The following TCERG1L variants were observed in gnomAD, a reference collection of about 807,000 sequenced individuals.
TCERG1L encodes the protein transcription elongation regulator 1 like.
A neutral mutation model predicts 56.3 loss-of-function variants in TCERG1L; 37 were observed. The observed-to-expected ratio is 0.66, with a 90% confidence interval of 0.51 to 0.87. The LOEUF is 0.87. Among genes scored for constraint, TCERG1L ranks in the 40% least tolerant of loss-of-function variants. The pLI is 0.00. For synonymous variants in TCERG1L, 324 were observed against 326.3 expected, an observed-to-expected ratio of 0.99 and a Z score of 0.08; for missense variants, 799 against 774.2, an observed-to-expected ratio of 1.03 and a Z score of -0.38.
intron 9 of TCERG1L, among the ~76,000 whole-genome samples, chr10:131,107,707 G>A (rs1845367182): frequency 6.6e-6 from 1 of 151,660 alleles, no homozygotes; most frequent in African/African-American, 2.4e-5. Context: ...TACATTCCAT[G>A]GGGCCACGAT....
chr10:131,145,703 A>G (rs930423058), intron 7 of TCERG1L, among the ~76,000 whole-genome samples: 1 of 152,198 alleles, frequency 6.6e-6, no homozygotes, highest in Non-Finnish European at 1.5e-5. Context: ...AACCCAATAG[A>G]ATACCACACA....
chr10:131,148,067 GA>G lies in TCERG1L; in HGVS notation c.1035-1408del, dbSNP rs561598344. Among the ~76,000 whole-genome samples, 8 of 152,360 alleles carry G rather than the reference GA, an allele frequency of 5.3e-5. No homozygotes were observed. In the East Asian group the frequency reaches 1.5e-3, roughly 29 times the overall value. ...CACTACTCAGCCCAGCCACGCTCAT[GA>G]GTGTGGGAGCCAAAATGATGGCTCC... On this transcript the variant is annotated intron_variant, in intron 6 of 11. Coordinates refer to ENST00000368642, the MANE Select transcript of TCERG1L (RefSeq NM_174937.4).
At chr10:131,252,158 A>C (rs1441485715) in intron 4 of TCERG1L, among the ~76,000 whole-genome samples, 1 of 152,176 alleles carries the variant, frequency 6.6e-6, no homozygotes, top group Non-Finnish European at 1.5e-5. Context: ...CTATGCACCC[A>C]TCAATGGACG....
chr10:131,198,857 T>C (rs1235077958), intron 4 of TCERG1L, among the ~76,000 whole-genome samples: 1 of 152,210 alleles, frequency 6.6e-6, no homozygotes, highest in East Asian at 1.9e-4. Flanking sequence ...GCTCAGCTCA[T>C]GCACCCCGTG....
intron 8 of TCERG1L, among the ~76,000 whole-genome samples, chr10:131,133,583 C>T (rs1270507910): frequency 6.6e-6 from 1 of 152,130 alleles, no homozygotes; most frequent in African/African-American, 2.4e-5. Flanking sequence ...GGGTCCTCCC[C>T]ACCCTTCTCT....
chr10:131,210,410 G>C (rs1272645722), intron 4 of TCERG1L, among the ~76,000 whole-genome samples: 1 of 152,210 alleles, frequency 6.6e-6, no homozygotes, highest in Non-Finnish European at 1.5e-5. Context: ...GTCCCTGCTG[G>C]AAGAGAGCCA....
At chr10:131,171,446 T>C (rs1285001668) in intron 4 of TCERG1L, among the ~76,000 whole-genome samples, 2 of 152,128 alleles carry the variant, frequency 1.3e-5, no homozygotes, top group African/African-American at 4.8e-5. Context: ...AAAGGTATCA[T>C]CATCACCTGG....
chr10:131,200,262 GA>G (rs1251831406), intron 4 of TCERG1L, among the ~76,000 whole-genome samples: 1 of 152,138 alleles, frequency 6.6e-6, no homozygotes, highest in Non-Finnish European at 1.5e-5. Context: ...CTAGACAAAC[GA>G]GCTGAGGCTG....
intron 4 of TCERG1L, among the ~76,000 whole-genome samples, chr10:131,208,856 G>C (rs766858240): frequency 3.3e-5 from 5 of 152,140 alleles, no homozygotes; most frequent in Non-Finnish European, 7.3e-5. Context: ...AGGAGATCGA[G>C]ACCATCCTGG....
intron 11 of TCERG1L, 95 bp from the exon 12 acceptor site, chr10:131,093,413 C>T (rs1456305547): frequency 2.0e-6 from 3 of 1,473,948 alleles, no homozygotes; most frequent in African/African-American, 1.4e-5. Flanking sequence ...AGCATCCAGC[C>T]CTTCCACCAG....
chr10:131,234,284 T>A (rs1197247293), intron 4 of TCERG1L, among the ~76,000 whole-genome samples: 1 of 152,344 alleles, frequency 6.6e-6, no homozygotes, highest in East Asian at 1.9e-4. Flanking sequence ...ACCTTTTAAG[T>A]AAGCTGTTGA....
At chr10:131,250,473 C>T (rs1230659376) in intron 4 of TCERG1L, among the ~76,000 whole-genome samples, 1 of 109,826 alleles carries the variant, frequency 9.1e-6, no homozygotes, top group Non-Finnish European at 1.8e-5. Flanking sequence ...AGCATCAGAC[C>T]CTCCACAGGG....
chr10:131,208,959 G>A (rs1049764044), intron 4 of TCERG1L, among the ~76,000 whole-genome samples: 5 of 151,938 alleles, frequency 3.3e-5, no homozygotes, highest in East Asian at 1.9e-4. Flanking sequence ...TCGGGAGGCC[G>A]AGGCAGGAGA....
intron 7 of TCERG1L, among the ~76,000 whole-genome samples, chr10:131,144,354 G>C (rs992370798): frequency 1.8e-4 from 27 of 152,160 alleles, no homozygotes. Flanking sequence ...GAGCCGCGAC[G>C]AACGATCGGC....
Position 131,116,737 on chromosome 10 carries a change from A to AC in TCERG1L, c.1395+61dup, listed in dbSNP as rs1230744719. 3 of 1,538,356 alleles carry AC rather than the reference A, an allele frequency of 2.0e-6. No individual in the cohort carries two copies. The African/African-American group carries it at 4.1e-5, about 21-fold the overall frequency. On this transcript the variant is annotated intron_variant, in intron 9 of 11. Transcript: ENST00000368642. ...AGGCGACCCTCAGGCAGGGACGGCC[A>AC]CTCAGCTGCTGTTCCCCCGGGTCTG... is the stretch of plus-strand genomic sequence containing the variant.
Position 131,220,332 on chromosome 10 carries a change from C to T in TCERG1L, c.856+39927G>A, listed in dbSNP as rs74892298. Among the ~76,000 whole-genome samples the T allele has an allele frequency of 6.2e-3, 951 of 152,318 alleles. 14 individuals are homozygous for T. Among genetic ancestry groups the T allele is most frequent in the African/African-American group, 0.021 (890 of 41,578 alleles). On this transcript the variant is annotated intron_variant, in intron 4 of 11. Transcript: ENST00000368642. ...ATCCTCCAGGGCTCTTGGCTTAGGG[C>T]CCAGGTTAGGGACCAGGGAGAGCAC... is the stretch of plus-strand genomic sequence containing the variant.
intron 3 of TCERG1L, among the ~76,000 whole-genome samples, chr10:131,270,458 G>A (rs1846329072): frequency 6.6e-6 from 1 of 152,216 alleles, no homozygotes; most frequent in African/African-American, 2.4e-5. Flanking sequence ...TGCTAAGCCA[G>A]CTCAGAGATA....
In TCERG1L at chr10:131,118,043, G is replaced by A. The variant is rs564496982; in HGVS notation, c.1260-1109C>T. 6.6e-6 allele frequency among the ~76,000 whole-genome samples: 1 copy of A among 152,260 alleles called. No homozygotes were observed. Among genetic ancestry groups the A allele is most frequent in the East Asian group, 1.9e-4 (1 of 5,138 alleles). On this transcript the variant is annotated intron_variant, in intron 8 of 11. Transcript: ENST00000368642. This position sits in a 1 kb window ranked among gnomAD's most constrained non-coding sequence, Gnocchi z 4.2. ...GGGCAGACTCAACCCGCGCTGGGTT[G>A]GCGCACCCTCACTCTGACCATGCTG... is the stretch of plus-strand genomic sequence containing the variant.
At chr10:131,252,123 T>C (rs1382215863) in intron 4 of TCERG1L, among the ~76,000 whole-genome samples, 1 of 152,224 alleles carries the variant, frequency 6.6e-6, no homozygotes, top group Non-Finnish European at 1.5e-5. Context: ...TATTTCACTA[T>C]ATAGATATGC....
Sources: allele counts gnomAD v4.1 joint callset (sites outside exome capture counted in the v4.1 genomes callset), GRCh38; gene constraint gnomAD v4.1.1; non-coding constraint Gnocchi (gnomAD v3.1); transcripts MANE v1.5; gene names NCBI Gene and HGNC (gene_info 2026-07-23, HGNC 2026-07-21).